The following RASSF3 variants were observed in gnomAD, a reference collection of about 807,000 sequenced individuals.
RASSF3 encodes ras association domain-containing protein 3.
RASSF3 carries 19 observed loss-of-function variants against 19.9 expected under a neutral mutation model. The ratio of observed to expected loss-of-function variants is 0.96; its 90% confidence interval spans 0.67 to 1.40. The LOEUF is 1.40. Ranked by LOEUF, RASSF3 falls within the 40% of genes most tolerant of loss-of-function variation. RASSF3 has a pLI of 0.00. For missense variants in RASSF3, 306 were observed against 289.8 expected (o/e 1.06, Z -0.41); for synonymous variants, 110 against 104.2 (o/e 1.06, Z -0.34).
At chr12:64,555,785 C>T (rs7137564) in intron 2 of RASSF3, among the ~76,000 whole-genome samples, 76,423 of 150,468 alleles carry the variant, frequency 0.51, 20,509 homozygotes, top group Non-Finnish European at 0.6. Flanking sequence ...CCAGGTGTCA[C>T]GGCTCATGCC....
chr12:64,679,164 G>C (rs768884824), intron 1 of RASSF3, among the ~76,000 whole-genome samples: 12 of 152,226 alleles, frequency 7.9e-5, no homozygotes, highest in Non-Finnish European at 1.6e-4. Context: ...CCAGGTTCAA[G>C]TGATTCTCCT....
intron 1 of RASSF3, among the ~76,000 whole-genome samples, chr12:64,527,192 A>C (rs1260569107): frequency 6.6e-6 from 1 of 152,194 alleles, no homozygotes; most frequent in Non-Finnish European, 1.5e-5. Context: ...ATTGAGTCCC[A>C]GTGAGTCCTT....
chr12:64,589,206 T>C (rs1010807645), intron 2 of RASSF3, among the ~76,000 whole-genome samples: 1 of 152,182 alleles, frequency 6.6e-6, no homozygotes, highest in Non-Finnish European at 1.5e-5. Context: ...TCCCAGCACT[T>C]TGGGAGGCTG....
intron 1 of RASSF3, among the ~76,000 whole-genome samples, chr12:64,629,394 C>A (rs1592430836): frequency 6.6e-6 from 1 of 152,084 alleles, no homozygotes; most frequent in African/African-American, 2.4e-5. Context: ...AGGCATGAGC[C>A]ACTGCGCCCG....
At position 64,683,967 on chromosome 12, in the gene RASSF3, A is replaced by G. The variant is rs1462228387; in HGVS notation, c.112-820A>G. 6.6e-5 allele frequency among the ~76,000 whole-genome samples: 10 copies of G among 150,594 alleles called. No individual in the cohort carries two copies. The East Asian group carries it at 2.0e-3, about 29-fold the overall frequency. ...TGGAGAGTTTGAAGGTAAGAGAGAA[A>G]GAGAAGCAGCGAGGGAGAGAAGGAG... is the stretch of plus-strand genomic sequence containing the variant. On this transcript the variant is annotated intron_variant, in intron 1 of 4. Coordinates refer to ENST00000542104, the MANE Select transcript of RASSF3 (RefSeq NM_178169.4).
At chr12:64,649,168 T>C (rs1448330433) in intron 1 of RASSF3, among the ~76,000 whole-genome samples, 1 of 151,158 alleles carries the variant, frequency 6.6e-6, no homozygotes, top group South Asian at 2.1e-4. Flanking sequence ...ATTGGTGTTC[T>C]TGGGGTCTCA....
chr12:64,679,356 G>T (rs1470169452), intron 1 of RASSF3, among the ~76,000 whole-genome samples: 2 of 152,162 alleles, frequency 1.3e-5, no homozygotes, highest in Non-Finnish European at 2.9e-5. Flanking sequence ...ACCGCTCCCA[G>T]CCTGAACAGT....
intron 2 of RASSF3, among the ~76,000 whole-genome samples, chr12:64,687,855 A>C (rs551118803): frequency 3.0e-4 from 46 of 152,176 alleles, no homozygotes; most frequent in African/African-American, 1.1e-3. Context: ...CCCAAGCTTT[A>C]ATAAGTTTTG....
chr12:64,527,617 C>T (rs193206578), intron 1 of RASSF3, among the ~76,000 whole-genome samples: 31 of 152,248 alleles, frequency 2.0e-4, no homozygotes, highest in Non-Finnish European at 3.7e-4. Context: ...ATTTGATATA[C>T]GATTACATTT....
chr12:64,627,736 G>C (rs954007355), intron 1 of RASSF3, among the ~76,000 whole-genome samples: 8 of 151,568 alleles, frequency 5.3e-5, no homozygotes, highest in African/African-American at 2.0e-4. Context: ...TGTGGAAATA[G>C]GACATTTAGG....
intron 1 of RASSF3, among the ~76,000 whole-genome samples, chr12:64,523,929 C>G (rs1565832105): frequency 6.6e-6 from 1 of 152,110 alleles, no homozygotes; most frequent in African/African-American, 2.4e-5. Flanking sequence ...TCTCCTGCCC[C>G]ACAGCCCAGT....
In RASSF3 at chr12:64,688,370, TC is replaced by T. The variant is rs1326392292; in HGVS notation, c.375del (p.Ile125MetfsTer10). ...ISSTNTVGEV[I>X]EALLKKFLVT... ...AGCACAAACACTGTCGGGGAAGTGA[TC>T]GAGGCCCTGCTCAAAAAGTTTCTCG... On this transcript the variant is annotated frameshift_variant, in exon 3 of 5. Coordinates refer to ENST00000542104, the MANE Select transcript of RASSF3 (RefSeq NM_178169.4). LOFTEE classifies it high-confidence loss of function. The T allele has an allele frequency of 6.2e-7, 1 of 1,614,196 alleles. No individual in the cohort carries two copies. Among genetic ancestry groups the T allele is most frequent in the African/African-American group, 1.3e-5 (1 of 75,054 alleles).
rs2136152227 is a variant in RASSF3, at chr12:64,610,594, G to GC, written c.-35dup. 7.5e-7 allele frequency: 1 copy of GC among 1,341,072 alleles called. No homozygotes were observed. The highest frequency in any genetic ancestry group is 2.9e-5 in the East Asian group (1 of 34,688). 83.1% of individuals were successfully genotyped at this position (1,341,072 alleles called of 1,614,324 possible). ...CCGCACCCCCTCCCTGGCCGCCTGC[G>GC]CCCCGGGGAGGCCGCCCGCGCGCGA... On this transcript the variant is annotated 5_prime_UTR_variant, in exon 1 of 5. Coordinates refer to ENST00000542104, the MANE Select transcript of RASSF3 (RefSeq NM_178169.4).
chr12:64,585,601 CTT>C (rs35374871), intron 2 of RASSF3, among the ~76,000 whole-genome samples: 135 of 96,246 alleles, frequency 1.4e-3, no homozygotes, highest in African/African-American at 2.2e-3. Context: ...TAGGCAAGTC[CTT>C]TTTTTTTTTT....
intron 1 of RASSF3, among the ~76,000 whole-genome samples, chr12:64,535,489 T>G (rs1166349411): frequency 6.6e-6 from 1 of 151,088 alleles, no homozygotes; most frequent in Admixed American, 6.6e-5. Flanking sequence ...CTCAGCCTCC[T>G]GAGTAGCTGA....
chr12:64,604,287 G>A (rs561132590), intron 2 of RASSF3, among the ~76,000 whole-genome samples: 5 of 151,750 alleles, frequency 3.3e-5, no homozygotes, highest in East Asian at 3.9e-4. Flanking sequence ...CACCATGCCC[G>A]GCTAATTTTT....
intron 1 of RASSF3, among the ~76,000 whole-genome samples, chr12:64,511,206 T>G (rs902589858): frequency 3.3e-5 from 5 of 152,200 alleles, no homozygotes; most frequent in African/African-American, 1.2e-4. Context: ...CATTGTTAAT[T>G]GTCATAATAT....
intron 1 of RASSF3, among the ~76,000 whole-genome samples, chr12:64,683,674 A>G (rs1446049256): frequency 6.6e-6 from 1 of 152,234 alleles, no homozygotes; most frequent in Non-Finnish European, 1.5e-5. Context: ...TTGTAAAGCT[A>G]TAAAGACAAC....
upstream of RASSF3, among the ~76,000 whole-genome samples, chr12:64,528,954 G>C (rs374147772): frequency 6.6e-6 from 1 of 152,178 alleles, no homozygotes; most frequent in Admixed American, 6.5e-5. Context: ...TCAGCCTTTC[G>C]GAACCTCAGT....
Sources: gnomAD v4.1 joint callset for allele counts (sites outside exome capture counted in the v4.1 genomes callset) on GRCh38, gnomAD v4.1.1 for gene constraint, MANE v1.5 for transcripts, NCBI Gene and HGNC (gene_info 2026-07-23, HGNC 2026-07-21) for gene names.